Variants in MFHAS1 observed in about 807,000 individuals in gnomAD.
The protein encoded by MFHAS1 is malignant fibrous histiocytoma-amplified sequence 1.
In MFHAS1, 50 loss-of-function variants were observed where a neutral mutation model predicts 70.4. The ratio of observed to expected loss-of-function variants is 0.71; its 90% confidence interval spans 0.57 to 0.90. MFHAS1 has a LOEUF of 0.90. Among genes scored for constraint, MFHAS1 ranks in the 40% least tolerant of loss-of-function variants. The probability of loss-of-function intolerance (pLI) is 0.00; values close to 1 mark genes in which losing one functional copy is unlikely to be tolerated. For missense variants in MFHAS1, 1,795 were observed against 1,347.6 expected (o/e 1.33, Z -5.20); for synonymous variants, 952 against 620.0 (o/e 1.54, Z -7.96).
intron 1 of MFHAS1, among the ~76,000 whole-genome samples, chr8:8,830,625 T>G (rs1284737569): frequency 6.6e-6 from 1 of 152,214 alleles, no homozygotes; most frequent in African/African-American, 2.4e-5. Context: ...CTTTTTGAGA[T>G]GGATTCTTGC....
intron 1 of MFHAS1, among the ~76,000 whole-genome samples, chr8:8,874,712 G>A (rs1215610919): frequency 6.6e-6 from 1 of 150,608 alleles, no homozygotes. Context: ...AAAATGTTAT[G>A]AGGTTTTTTT....
At chr8:8,802,667 T>G (rs1806122053) in intron 1 of MFHAS1, among the ~76,000 whole-genome samples, 1 of 152,202 alleles carries the variant, frequency 6.6e-6, no homozygotes, top group African/African-American at 2.4e-5. Flanking sequence ...AGAAGCTGGC[T>G]GGACTGCCCT....
intron 1 of MFHAS1, among the ~76,000 whole-genome samples, chr8:8,826,139 G>A (rs940035663): frequency 6.6e-6 from 1 of 152,040 alleles, no homozygotes; most frequent in Non-Finnish European, 1.5e-5. Flanking sequence ...ACTATAAAGT[G>A]AAAAATAAAT....
chr8:8,856,323 A>C lies in MFHAS1; in HGVS notation c.2998+33738T>G, dbSNP rs1048132725. Among the ~76,000 whole-genome samples, 7 of 152,344 alleles carry C rather than the reference A, an allele frequency of 4.6e-5. No homozygotes were observed. In the South Asian group the frequency reaches 8.3e-4, roughly 18 times the overall value. ...AGTGTCTTTCTCATGGCACTGGGGC[A>C]AGCATGACCTGCACAGCCTGGCACA... On this transcript the variant is annotated intron_variant, in intron 1 of 2. Transcript: ENST00000276282.
In MFHAS1 at chr8:8,846,263, G is replaced by A. The variant is rs537598471; in HGVS notation, c.2998+43798C>T. Among the ~76,000 whole-genome samples the A allele has an allele frequency of 1.9e-4, 8 of 41,102 alleles. 1 individual carries two copies. The highest frequency in any genetic ancestry group is 1.2e-3 in the African/African-American group (8 of 6,900). 27.0% of individuals were successfully genotyped at this position (41,102 alleles called of 152,430 possible). On this transcript the variant is annotated intron_variant, in intron 1 of 2. Coordinates refer to ENST00000276282, the MANE Select transcript of MFHAS1 (RefSeq NM_004225.3). Reference sequence around the variant, plus strand: ...GCGAGACTCTGTCTCCAAAAAAAAGGGGGGGGGGGAAGGAGGAGGAGGGGG... The same window carrying A: ...GCGAGACTCTGTCTCCAAAAAAAAGAGGGGGGGGGAAGGAGGAGGAGGGGG...
chr8:8,810,239 A>T (rs1460092080), intron 1 of MFHAS1, among the ~76,000 whole-genome samples: 2 of 152,176 alleles, frequency 1.3e-5, no homozygotes, highest in African/African-American at 4.8e-5. Context: ...GGTGGTGGGC[A>T]CCTGTAATCT....
At chr8:8,869,877 C>A (rs1809006163) in intron 1 of MFHAS1, among the ~76,000 whole-genome samples, 1 of 152,248 alleles carries the variant, frequency 6.6e-6, no homozygotes, top group East Asian at 1.9e-4. Context: ...ACTCAATTGC[C>A]TTCATCCCCA....
chr8:8,870,881 G>A (rs1809049863), intron 1 of MFHAS1, among the ~76,000 whole-genome samples: 1 of 152,190 alleles, frequency 6.6e-6, no homozygotes, highest in African/African-American at 2.4e-5. Flanking sequence ...GTACTGCAAT[G>A]TTAAAAGCAA....
At chr8:8,786,618 T>C (rs1312483206) in intron 2 of MFHAS1, among the ~76,000 whole-genome samples, 1 of 151,844 alleles carries the variant, frequency 6.6e-6, no homozygotes, top group Non-Finnish European at 1.5e-5. Flanking sequence ...TCAGTTCCGA[T>C]AAAATGGTTA....
intron 1 of MFHAS1, among the ~76,000 whole-genome samples, chr8:8,835,337 A>G (rs1389852288): frequency 1.3e-5 from 2 of 152,200 alleles, no homozygotes; most frequent in African/African-American, 4.8e-5. Flanking sequence ...GAAAAGTTTA[A>G]AACACACATT....
At position 8,785,969 on chromosome 8, in the gene MFHAS1, T is replaced by C; in HGVS notation, c.*53A>G. ...AGGGTCTGCCAGGTGCAAAAGATGG[T>C]CCAGGTGTTCAGATGCTCTCTTTTC... On this transcript the variant is annotated 3_prime_UTR_variant, in exon 3 of 3. Coordinates refer to ENST00000276282, the MANE Select transcript of MFHAS1 (RefSeq NM_004225.3). 6.3e-7 allele frequency: 1 copy of C among 1,592,132 alleles called. No homozygotes were observed. Among genetic ancestry groups the C allele is most frequent in the Non-Finnish European group, 8.6e-7 (1 of 1,160,552 alleles).
chr8:8,809,206 G>A (rs1265390404), intron 1 of MFHAS1, among the ~76,000 whole-genome samples: 2 of 152,270 alleles, frequency 1.3e-5, no homozygotes, highest in African/African-American at 4.8e-5. Context: ...ATAGTGAGTT[G>A]TATAATTATC....
At chr8:8,801,757 G>A (rs982700257) in intron 1 of MFHAS1, among the ~76,000 whole-genome samples, 3 of 152,232 alleles carry the variant, frequency 2.0e-5, no homozygotes, top group Non-Finnish European at 2.9e-5. Flanking sequence ...GCAGGGGTCT[G>A]AGAGTTGAGG....
chr8:8,846,798 G>A (rs999811322), intron 1 of MFHAS1, among the ~76,000 whole-genome samples: 10 of 151,902 alleles, frequency 6.6e-5, no homozygotes, highest in Non-Finnish European at 1.2e-4. Flanking sequence ...GGTTTTCCTT[G>A]GCTGCTTTAT....
intron 1 of MFHAS1, among the ~76,000 whole-genome samples, chr8:8,851,460 A>C (rs963494947): frequency 2.6e-5 from 4 of 152,200 alleles, no homozygotes; most frequent in African/African-American, 9.7e-5. Context: ...AGGTCTAGAT[A>C]CCACAAAACA....
chr8:8,817,753 G>A (rs933921824), intron 1 of MFHAS1, among the ~76,000 whole-genome samples: 1 of 152,240 alleles, frequency 6.6e-6, no homozygotes, highest in Non-Finnish European at 1.5e-5. Flanking sequence ...CAGATCATTA[G>A]GCATTAGATT....
At chr8:8,890,002 A>T in intron 1 of MFHAS1, 59 bp downstream of exon 1, 1 of 1,360,770 alleles carries the variant, frequency 7.3e-7, no homozygotes, top group African/African-American at 1.5e-5. Context: ...ACAACCAAGT[A>T]TCTCCAAAAA....
intron 1 of MFHAS1, among the ~76,000 whole-genome samples, chr8:8,818,323 T>C (rs528522461): frequency 2.0e-5 from 3 of 152,310 alleles, no homozygotes; most frequent in African/African-American, 4.8e-5. Flanking sequence ...AGCAAAGTCA[T>C]ACATCACAGG....
chr8:8,844,319 T>G (rs1807948038), intron 1 of MFHAS1, among the ~76,000 whole-genome samples: 2 of 152,244 alleles, frequency 1.3e-5, no homozygotes, highest in Admixed American at 1.3e-4. Context: ...GAAAAATGAC[T>G]CACAGGTAGT....
Sources: gnomAD v4.1 joint callset for allele counts (sites outside exome capture counted in the v4.1 genomes callset) on GRCh38, gnomAD v4.1.1 for gene constraint, MANE v1.5 for transcripts, NCBI Gene and HGNC (gene_info 2026-07-23, HGNC 2026-07-21) for gene names.